The following GALNT9 variants were observed in gnomAD, a reference collection of about 807,000 sequenced individuals.
GALNT9 encodes the protein polypeptide N-acetylgalactosaminyltransferase 9.
GALNT9 carries 47 observed loss-of-function variants against 63.1 expected under a neutral mutation model. That is an observed-to-expected ratio of 0.75 (90% confidence interval 0.59 to 0.95). The LOEUF is 0.95. GALNT9 is among the 40% of genes least tolerant of loss of function. The pLI is 0.00. For missense variants in GALNT9, 829 were observed against 874.8 expected (o/e 0.95, Z 0.66); for synonymous variants, 396 against 365.7 (o/e 1.08, Z -0.94).
chr12:132,212,999 G>T (rs566390591), intron 6 of GALNT9, among the ~76,000 whole-genome samples: 19 of 130,962 alleles, frequency 1.5e-4, no homozygotes, highest in Non-Finnish European at 2.9e-4. Context: ...CCTTGAGACC[G>T]TGACACGGAA....
Position 132,238,526 on chromosome 12 carries a change from A to T in GALNT9, c.1077+9384T>A, listed in dbSNP as rs2136896100. Among the ~76,000 whole-genome samples the T allele has an allele frequency of 1.3e-4, 20 of 152,226 alleles. No homozygotes were observed. Among genetic ancestry groups the T allele is most frequent in the Non-Finnish European group, 2.2e-4 (15 of 67,986 alleles). On this transcript the variant is annotated intron_variant, in intron 6 of 10. Transcript: ENST00000328957. This position sits in a 1 kb window ranked among gnomAD's most constrained non-coding sequence, Gnocchi z 6.5. ...GACCACGGTTTTGCAGATGCCCAGGACAGGCCAGAGGGCGGGGCCGTGGCA... is the reference window on the plus strand; with the variant it reads ...GACCACGGTTTTGCAGATGCCCAGGTCAGGCCAGAGGGCGGGGCCGTGGCA...
intron 6 of GALNT9, chr12:132,240,571 C>G (rs2136898680): frequency 2.2e-6 from 1 of 453,872 alleles, no homozygotes; most frequent in Admixed American, 2.4e-5. Flanking sequence ...GGGCTCCGTG[C>G]GTGGCCCCGG....
Position 132,329,525 on chromosome 12 carries a change from C to T in GALNT9, c.-322G>A, listed in dbSNP as rs1376958458. On this transcript the variant is annotated 5_prime_UTR_variant, in exon 1 of 11. Transcript: ENST00000328957. ...CGGCGGGGAAGGCGCGGGCGGGCGG[C>T]GCTCGGTGTCTGTGCCGGCTCCTGT... 6.8e-6 allele frequency among the ~76,000 whole-genome samples: 1 copy of T among 146,818 alleles called. No homozygotes were observed. The highest frequency in any genetic ancestry group is 1.5e-5 in the Non-Finnish European group (1 of 65,886).
chr12:132,252,409 A>G lies in GALNT9; in HGVS notation c.960-4382T>C, dbSNP rs1555238663. 1.3e-5 allele frequency among the ~76,000 whole-genome samples: 2 copies of G among 152,248 alleles called. No individual in the cohort carries two copies. Among genetic ancestry groups the G allele is most frequent in the Admixed American group, 6.5e-5 (1 of 15,292 alleles). ...CTGAGAAGGCAGAGAAGCACGTGCC[A>G]CGTTTTAGAAAGAGTTTGCATCCAC... is the stretch of plus-strand genomic sequence containing the variant. On this transcript the variant is annotated intron_variant, in intron 5 of 10. Coordinates refer to ENST00000328957, the MANE Select transcript of GALNT9 (RefSeq NM_001122636.2). This position sits in a 1 kb window ranked among gnomAD's most constrained non-coding sequence, Gnocchi z 5.2.
intron 5 of GALNT9, among the ~76,000 whole-genome samples, chr12:132,255,852 T>C (rs1303557176): frequency 1.3e-5 from 2 of 151,972 alleles, no homozygotes; most frequent in Non-Finnish European, 2.9e-5. Flanking sequence ...ACATGCGCCT[T>C]TGCGATCTTC....
At chr12:132,324,672 C>T (rs995657238) in intron 1 of GALNT9, among the ~76,000 whole-genome samples, 3 of 152,084 alleles carry the variant, frequency 2.0e-5, no homozygotes, top group East Asian at 1.9e-4. Flanking sequence ...CCATCTAGAC[C>T]GCCGCCCTCT....
intron 6 of GALNT9, among the ~76,000 whole-genome samples, chr12:132,225,884 CCA>C (rs1877656097): frequency 7.5e-6 from 1 of 133,326 alleles, no homozygotes; most frequent in Non-Finnish European, 1.6e-5. Context: ...CCCATACACA[CCA>C]CACACCCCAC....
At chr12:132,305,075 A>G (rs369573363) in intron 1 of GALNT9, among the ~76,000 whole-genome samples, 66 of 59,720 alleles carry the variant, frequency 1.1e-3, no homozygotes, top group African/African-American at 2.4e-3. Context: ...ACACACCCTC[A>G]CCTGGGCACA....
chr12:132,196,605 C>T lies in GALNT9; in HGVS notation c.*502G>A. The T allele has an allele frequency of 1.0e-6, 1 of 987,954 alleles. No individual in the cohort carries two copies. Among genetic ancestry groups the T allele is most frequent in the Non-Finnish European group, 1.2e-6 (1 of 831,634 alleles). 61.2% of individuals were successfully genotyped at this position (987,954 alleles called of 1,614,324 possible). A position where few individuals can be genotyped will look rare whatever the true frequency, so the allele number is the denominator to read the frequency against. On this transcript the variant is annotated 3_prime_UTR_variant, in exon 11 of 11. Coordinates refer to ENST00000328957, the MANE Select transcript of GALNT9 (RefSeq NM_001122636.2). ...TTGTCGCTGTCCATGTCCTCCAGCA[C>T]CCCTCTTACCAGACCACAAGGAGCT...
intron 5 of GALNT9, among the ~76,000 whole-genome samples, chr12:132,249,538 C>A (rs571552953): frequency 7.9e-5 from 12 of 152,102 alleles, no homozygotes; most frequent in African/African-American, 2.9e-4. Context: ...AATTTTAATA[C>A]CCCCCCTTGA....
chr12:132,198,111 A>G (rs931262816), intron 9 of GALNT9, 152 bp from the exon 10 acceptor site: 50 of 655,920 alleles, frequency 7.6e-5, no homozygotes, highest in Non-Finnish European at 1.2e-4. Flanking sequence ...TGCGGGCGGG[A>G]GAGGACCGCC....
chr12:132,317,912 T>C (rs892855390), intron 1 of GALNT9, among the ~76,000 whole-genome samples: 7 of 152,086 alleles, frequency 4.6e-5, no homozygotes, highest in African/African-American at 1.7e-4. Context: ...GAGGATGGCG[T>C]TTCAAAGAAC....
Position 132,210,453 on chromosome 12 carries a change from G to A in GALNT9, c.1078-6763C>T, listed in dbSNP as rs998327047. On this transcript the variant is annotated intron_variant, in intron 6 of 10. Coordinates refer to ENST00000328957, the MANE Select transcript of GALNT9 (RefSeq NM_001122636.2). ...ACTGTCATCTAGAGGGGAGGCAGGCGAGGCTCAGACGTCACACTCATCACG... is the reference window on the plus strand; with the variant it reads ...ACTGTCATCTAGAGGGGAGGCAGGCAAGGCTCAGACGTCACACTCATCACG... 3.9e-5 allele frequency among the ~76,000 whole-genome samples: 6 copies of A among 152,222 alleles called. No homozygotes were observed. In the East Asian group the frequency reaches 5.8e-4, roughly 15 times the overall value.
In GALNT9 at chr12:132,225,139, TCACA is replaced by T. The variant is rs1230411200; in HGVS notation, c.1078-21453_1078-21450del. On this transcript the variant is annotated intron_variant, in intron 6 of 10. Transcript: ENST00000328957. Reference sequence around the variant, plus strand: ...ATATACATACCACACAACTCACACCTCACACACTGTACACACCCTACACACATAC... The same window carrying T: ...ATATACATACCACACAACTCACACCTCACTGTACACACCCTACACACATAC... 4.2e-3 allele frequency among the ~76,000 whole-genome samples: 339 copies of T among 80,842 alleles called. 1 individual carries two copies. Among genetic ancestry groups the T allele is most frequent in the African/African-American group, 0.015 (308 of 20,072 alleles). 53.0% of individuals were successfully genotyped at this position (80,842 alleles called of 152,430 possible). A position where few individuals can be genotyped will look rare whatever the true frequency, so the allele number is the denominator to read the frequency against.
chr12:132,305,206 C>G (rs1593117352), intron 1 of GALNT9, among the ~76,000 whole-genome samples: 1 of 54,554 alleles, frequency 1.8e-5, no homozygotes, highest in Non-Finnish European at 3.1e-5. Flanking sequence ...CACCCTTGCC[C>G]GGGCACACCC....
chr12:132,262,570 A>G lies in GALNT9; in HGVS notation c.475T>C (p.Phe159Leu). The change falls in exon 3 of 11, where the codon TTC (phenylalanine) becomes CTC (leucine). Residue 159 changes from phenylalanine (F) to leucine (L), a missense_variant. Coordinates refer to ENST00000328957, the MANE Select transcript of GALNT9 (RefSeq NM_001122636.2). ...DLPQVSVVFI[F>L]VNEALSVILR... ...ATGACCGACAGCGCCTCATTGACGA[A>G]GATGAAGACCACGGAGACCTGGGGC... 1.3e-6 allele frequency: 2 copies of G among 1,551,486 alleles called. No homozygotes were observed. Among genetic ancestry groups the G allele is most frequent in the Non-Finnish European group, 1.7e-6 (2 of 1,146,892 alleles).
Position 132,245,815 on chromosome 12 carries a change from G to A in GALNT9, c.1077+2095C>T, listed in dbSNP as rs1197123795. ...AGCCGATTTTGTTTGGAGGGGAGGT[G>A]GGCGTGTTTCTCCCCTGGGCCCTTC... is the stretch of plus-strand genomic sequence containing the variant. On this transcript the variant is annotated intron_variant, in intron 6 of 10. Coordinates refer to ENST00000328957, the MANE Select transcript of GALNT9 (RefSeq NM_001122636.2). This position sits in a 1 kb window ranked among gnomAD's most constrained non-coding sequence, Gnocchi z 6.3. Among the ~76,000 whole-genome samples, 1 of 152,202 alleles carries A rather than the reference G, an allele frequency of 6.6e-6. No homozygotes were observed.
At chr12:132,289,157 T>C (rs1555242478) in intron 1 of GALNT9, among the ~76,000 whole-genome samples, 1 of 152,234 alleles carries the variant, frequency 6.6e-6, no homozygotes, top group Non-Finnish European at 1.5e-5. Context: ...GCTCTGTTAA[T>C]GATGTGACTG....
At position 132,308,877 on chromosome 12, in the gene GALNT9, C is replaced by T. The variant is rs576399447; in HGVS notation, c.238+20089G>A. Among the ~76,000 whole-genome samples, 340 of 150,736 alleles carry T rather than the reference C, an allele frequency of 2.3e-3. 2 individuals are homozygous for T. The highest frequency in any genetic ancestry group is 7.9e-3 in the African/African-American group (324 of 41,228). ...GCACTCACGCCTTACCCACAGGGCT[C>T]GGGATGGCCGCACTCACGCCTCACC... On this transcript the variant is annotated intron_variant, in intron 1 of 10. Coordinates refer to ENST00000328957, the MANE Select transcript of GALNT9 (RefSeq NM_001122636.2).
Sources: allele counts gnomAD v4.1 joint callset (sites outside exome capture counted in the v4.1 genomes callset), GRCh38; gene constraint gnomAD v4.1.1; non-coding constraint Gnocchi (gnomAD v3.1); transcripts MANE v1.5; gene names NCBI Gene and HGNC (gene_info 2026-07-23, HGNC 2026-07-21).